STK10: variants seen among roughly 807,000 people sequenced by gnomAD.
STK10 encodes serine/threonine-protein kinase 10.
A neutral mutation model predicts 113.8 loss-of-function variants in STK10; 78 were observed. The observed-to-expected ratio is 0.69, with a 90% CI of 0.57 to 0.83. STK10 has a LOEUF of 0.83. STK10 is among the 40% of genes least tolerant of loss of function. STK10 has a pLI of 0.00. For missense variants in STK10, 1,109 were observed against 1,280.1 expected, an observed-to-expected ratio of 0.87 and a Z score of 2.04; for synonymous variants, 465 against 494.7, an observed-to-expected ratio of 0.94 and a Z score of 0.80.
intron 1 of STK10, among the ~76,000 whole-genome samples, chr5:172,162,783 G>A (rs1422836004): frequency 6.6e-6 from 1 of 152,196 alleles, no homozygotes; most frequent in East Asian, 1.9e-4. Context: ...AAAGAAGGCC[G>A]CATGTCACCT....
chr5:172,175,890 T>C (rs528720718), intron 1 of STK10, among the ~76,000 whole-genome samples: 1 of 152,216 alleles, frequency 6.6e-6, no homozygotes, highest in South Asian at 2.1e-4. Context: ...CTTCATCAGG[T>C]GTGGAGTGAG....
Position 172,187,533 on chromosome 5 carries a change from C to A in STK10, c.156+354G>T, listed in dbSNP as rs867713792. ...GTGCCCGTATCGCCGTTTTACGGAA[C>A]GTCCCTGGAAGGTCCCTCGAGTGGC... On this transcript the variant is annotated intron_variant, in intron 1 of 18. Transcript: ENST00000176763. The surrounding 1 kb of genome is among the most constrained non-coding windows in gnomAD (Gnocchi z 4.6). 1.3e-5 allele frequency among the ~76,000 whole-genome samples: 2 copies of A among 152,168 alleles called. No individual in the cohort carries two copies. The highest frequency in any genetic ancestry group is 4.8e-5 in the African/African-American group (2 of 41,448).
In STK10 at chr5:172,057,436, C is replaced by G; in HGVS notation, c.2250G>C (p.Gln750His). The G allele has an allele frequency of 6.4e-7, 1 of 1,551,120 alleles. No individual in the cohort carries two copies. Among genetic ancestry groups the G allele is most frequent in the Non-Finnish European group, 8.7e-7 (1 of 1,147,538 alleles). Residue 750 changes from glutamine (Q) to histidine (H), a missense_variant, in exon 15 of 19, where the codon CAG becomes CAC. Physicochemically the swap from Gln to His is conservative, Grantham distance 24. Coordinates refer to ENST00000176763, the MANE Select transcript of STK10 (RefSeq NM_005990.4). ...TCACCAGCTGGTGCCTCTCCTGCAG[C>G]TGGTGCTCTTCCATCTCCCACAGGG... Reference protein sequence around the residue: ...EAALWEMEEHQLQERHQLVKQ... With the variant: ...EAALWEMEEHHLQERHQLVKQ...
rs1769716969 is a variant in STK10 at position 172,130,085 on chromosome 5, T to C, written c.322-2664A>G. ...AATCCTTCCACATCCTGAAGTTCCA[T>C]CACCAAACCCTGGCTGGGAACCCCT... is the stretch of plus-strand genomic sequence containing the variant. On this transcript the variant is annotated intron_variant, in intron 2 of 18. Transcript: ENST00000176763. Among the ~76,000 whole-genome samples the C allele has an allele frequency of 2.0e-5, 3 of 152,300 alleles. No homozygotes were observed. The South Asian group carries it at 6.2e-4, about 32-fold the overall frequency.
chr5:172,163,146 T>C (rs1770502842), intron 1 of STK10, among the ~76,000 whole-genome samples: 1 of 152,172 alleles, frequency 6.6e-6, no homozygotes, highest in African/African-American at 2.4e-5. Flanking sequence ...CAGCTAACAC[T>C]GACTGAGCAC....
chr5:172,163,698 A>G (rs1001161578), intron 1 of STK10, among the ~76,000 whole-genome samples: 1 of 152,206 alleles, frequency 6.6e-6, no homozygotes, highest in Non-Finnish European at 1.5e-5. Context: ...TTACTTGGCT[A>G]AATTCTAATG....
At chr5:172,128,279 C>G (rs1301467461) in intron 2 of STK10, among the ~76,000 whole-genome samples, 1 of 149,082 alleles carries the variant, frequency 6.7e-6, no homozygotes, top group African/African-American at 2.5e-5. Context: ...CACTCCCATT[C>G]TCACTCTTTC....
At chr5:172,057,108 T>C in intron 15 of STK10, 4 of 512,920 alleles carry the variant, frequency 7.8e-6, no homozygotes, top group Non-Finnish European at 1.4e-5. Flanking sequence ...TAACAGTCAG[T>C]GAGGGAGCCA....
chr5:172,045,365 A>C (rs1767474431), intron 18 of STK10: 3 of 507,368 alleles, frequency 5.9e-6, no homozygotes, highest in Non-Finnish European at 1.1e-5. Context: ...GAAGATGGAG[A>C]GAGACTGAGC....
intron 7 of STK10, among the ~76,000 whole-genome samples, chr5:172,097,107 T>C (rs1768873220): frequency 6.6e-6 from 1 of 152,228 alleles, no homozygotes; most frequent in Non-Finnish European, 1.5e-5. Context: ...TGCGCAATCT[T>C]GGCTCACTGC....
At chr5:172,099,008 C>CCATTACCAT (rs1768918597) in intron 7 of STK10, among the ~76,000 whole-genome samples, 1 of 149,552 alleles carries the variant, frequency 6.7e-6, no homozygotes, top group African/African-American at 2.5e-5. Context: ...ATTACCATTA[C>CCATTACCAT]CATCATCATC....
chr5:172,064,883 G>A (rs548859584), intron 12 of STK10, 71 bp from the exon 13 acceptor site: 73 of 1,537,060 alleles, frequency 4.7e-5, no homozygotes, highest in East Asian at 3.2e-4. Context: ...AATCTTCAAC[G>A]CAGAACCCCC....
Position 172,114,473 on chromosome 5 carries a change from A to ATAT in STK10, c.520+3007_520+3008insATA, listed in dbSNP as rs1226289994. 125 of 47,562 alleles carry ATAT rather than the reference A, an allele frequency of 2.6e-3. 16 individuals carry two copies. Among genetic ancestry groups the ATAT allele is most frequent in the East Asian group, 5.2e-3 (9 of 1,730 alleles). The allele number at this position is 47,562 out of a possible 1,614,324, so 2.9% of individuals were successfully genotyped here. ...ATTATATATATATATATATATATAT[A>ATAT]TTTTTTTTTTTTTTTTTTTTTTTTT... is the stretch of plus-strand genomic sequence containing the variant. On this transcript the variant is annotated intron_variant, in intron 4 of 18. Transcript: ENST00000176763.
chr5:172,137,883 C>T (rs980431779), intron 2 of STK10, among the ~76,000 whole-genome samples: 2 of 125,892 alleles, frequency 1.6e-5, no homozygotes, highest in Non-Finnish European at 3.2e-5. Flanking sequence ...CAGAGCGAGA[C>T]TCTGTCTCAA....
At position 172,187,897 on chromosome 5, in the gene STK10, T is replaced by C. The variant is rs1037578380; in HGVS notation, c.146A>G (p.Lys49Arg). 4 of 1,613,004 alleles carry C rather than the reference T, an allele frequency of 2.5e-6. No individual in the cohort carries two copies. Among genetic ancestry groups the C allele is most frequent in the African/African-American group, 1.3e-5 (1 of 74,900 alleles). ...CCTCAGCGCCCTCACCTTGTAAACCTTGCCGAAGGCGCCGTCGCCCAGCTC... is the reference window on the plus strand; with the variant it reads ...CCTCAGCGCCCTCACCTTGTAAACCCTGCCGAAGGCGCCGTCGCCCAGCTC... Reference protein sequence around the residue: ...VGELGDGAFGKVYKAKNKETG... With the variant: ...VGELGDGAFGRVYKAKNKETG... Residue 49 changes from lysine to arginine, a missense_variant, in exon 1 of 19, where the codon AAG becomes AGG. Around this residue, in one of 5 missense-constraint regions of STK10, gnomAD observed 120 missense variants for 134.8 expected, o/e 0.89. Transcript: ENST00000176763. The surrounding 1 kb of genome is among the most constrained non-coding windows in gnomAD (Gnocchi z 4.6).
chr5:172,140,635 T>G (rs1157897873), intron 2 of STK10, among the ~76,000 whole-genome samples: 1 of 152,186 alleles, frequency 6.6e-6, no homozygotes, highest in African/African-American at 2.4e-5. Context: ...AGGCGGAGGT[T>G]GCAGTGAGCC....
In STK10 at chr5:172,187,999, A is replaced by G; in HGVS notation, c.44T>C (p.Phe15Ser). 1.9e-6 allele frequency: 3 copies of G among 1,613,370 alleles called. No homozygotes were observed. Among genetic ancestry groups the G allele is most frequent in the Middle Eastern group, 1.6e-4 (1 of 6,062 alleles). Residue 15 changes from phenylalanine (F) to serine (S), a missense_variant, in exon 1 of 19, where the codon TTC (phenylalanine) becomes TCC (serine). By Grantham distance (155) the Phe-to-Ser change is radical. Coordinates refer to ENST00000176763, the MANE Select transcript of STK10 (RefSeq NM_005990.4). The surrounding 1 kb of genome is among the most constrained non-coding windows in gnomAD (Gnocchi z 4.6). Reference protein sequence around the residue: ...NFRRILRLSTFEKRKSREYEH... With the variant: ...NFRRILRLSTSEKRKSREYEH... Reference sequence around the variant, plus strand: ...ATATTCGCGGGACTTTCTCTTCTCGAAGGTAGACAGGCGCAGGATGCGGCG... The same window carrying G: ...ATATTCGCGGGACTTTCTCTTCTCGGAGGTAGACAGGCGCAGGATGCGGCG...
At chr5:172,085,828 C>T (rs1261553932) in intron 10 of STK10, among the ~76,000 whole-genome samples, 2 of 152,152 alleles carry the variant, frequency 1.3e-5, no homozygotes, top group Non-Finnish European at 2.9e-5. Flanking sequence ...GGTTGGGGTC[C>T]GTGAGGCCTG....
intron 1 of STK10, among the ~76,000 whole-genome samples, chr5:172,164,515 T>C (rs1252658493): frequency 6.6e-6 from 1 of 152,160 alleles, no homozygotes; most frequent in Non-Finnish European, 1.5e-5. Flanking sequence ...CGGCCCAAGG[T>C]CACACAGCAG....
Sources: gnomAD v4.1 joint callset for allele counts (sites outside exome capture counted in the v4.1 genomes callset) on GRCh38, gnomAD v4.1.1 for gene constraint, gnomAD v4.1.1 regional missense constraint, Gnocchi (gnomAD v3.1) non-coding constraint, MANE v1.5 for transcripts, NCBI Gene and HGNC (gene_info 2026-07-23, HGNC 2026-07-21) for gene names.